Variants in SART3 observed in about 807,000 individuals in gnomAD.
SART3 encodes the protein spliceosome associated factor 3, U4/U6 recycling protein.
A neutral mutation model predicts 122.3 loss-of-function variants in SART3; 44 were observed. The ratio of observed to expected loss-of-function variants is 0.36; its 90% CI spans 0.28 to 0.46. SART3 has a LOEUF of 0.46. Among genes scored for constraint, SART3 ranks in the 20% least tolerant of loss-of-function variants. The probability of loss-of-function intolerance (pLI) is 1.00; values close to 1 mark genes in which losing one functional copy is unlikely to be tolerated. For synonymous variants in SART3, 442 were observed against 454.0 expected (o/e 0.97, Z 0.34); for missense variants, 1,101 against 1,229.0 (o/e 0.90, Z 1.56).
chr12:108,538,812 G>GAAAA, intron 7 of SART3, 122 bp downstream of exon 7: 1 of 1,229,254 alleles, frequency 8.1e-7, no homozygotes, highest in South Asian at 1.3e-5. Flanking sequence ...GCAAAGAGGA[G>GAAAA]AAAAAGCAGA....
At chr12:108,556,982 T>G (rs1349031252) in intron 1 of SART3, among the ~76,000 whole-genome samples, 1 of 152,152 alleles carries the variant, frequency 6.6e-6, no homozygotes, top group Non-Finnish European at 1.5e-5. Context: ...TAAAAGTCGC[T>G]AAAGTCAAGA....
intron 8 of SART3, 29 bp downstream of exon 8, chr12:108,538,036 T>C: frequency 1.2e-6 from 2 of 1,613,952 alleles, no homozygotes; most frequent in South Asian, 2.2e-5. Flanking sequence ...ACAAATAGCT[T>C]AGAAGTTCTC....
rs571872995 is a variant in SART3 at position 108,540,593 on chromosome 12, A to G, written c.907-1504T>C. On this transcript the variant is annotated intron_variant, in intron 6 of 18. Transcript: ENST00000546815. ...CCAATTAAAAAAAAAAAGATTTTAA[A>G]AATATAACTAGAAAAGCTGATTCTA... Among the ~76,000 whole-genome samples, 7 of 152,026 alleles carry G rather than the reference A, an allele frequency of 4.6e-5. No homozygotes were observed. In the South Asian group the frequency reaches 1.5e-3, roughly 32 times the overall value.
intron 13 of SART3, 81 bp downstream of exon 13, chr12:108,532,141 A>G (rs989461131): frequency 8.2e-7 from 1 of 1,219,716 alleles, no homozygotes; most frequent in African/African-American, 1.5e-5. Flanking sequence ...GTCTGTCCCC[A>G]GACTGTAACC....
intron 1 of SART3, among the ~76,000 whole-genome samples, chr12:108,559,686 AAG>A (rs1565870255): frequency 2.4e-5 from 3 of 127,548 alleles, no homozygotes; most frequent in Admixed American, 8.2e-5. Flanking sequence ...AAAAAAAAAA[AAG>A]AGAGAATGTG....
At chr12:108,545,695 C>T (rs1485973682) in intron 3 of SART3, among the ~76,000 whole-genome samples, 2 of 152,094 alleles carry the variant, frequency 1.3e-5, no homozygotes, top group Non-Finnish European at 2.9e-5. Context: ...TGGCCAGGTG[C>T]GGTGGCTCAC....
In SART3 at chr12:108,535,525, C is replaced by T. The variant is rs1489532680; in HGVS notation, c.1447-57G>A. On this transcript the variant is annotated intron_variant, in intron 11 of 18. Transcript: ENST00000546815. ...TGAACCTTATGACGTCGACACCCAT[C>T]ATACAACACACTTCCAACAGACACA... is the stretch of plus-strand genomic sequence containing the variant. 6 of 1,316,880 alleles carry T rather than the reference C, an allele frequency of 4.6e-6. No homozygotes were observed. In the East Asian group the frequency reaches 1.4e-4, roughly 30 times the overall value. The allele number at this position is 1,316,880 out of a possible 1,614,324, so 81.6% of individuals were successfully genotyped here. A position where few individuals can be genotyped will look rare whatever the true frequency, so the allele number is the denominator to read the frequency against.
rs371288059 is a variant in SART3, at chr12:108,530,281, C to T, written c.1776G>A (p.Gln592=). 4 of 1,614,032 alleles carry T rather than the reference C, an allele frequency of 2.5e-6. No homozygotes were observed. Among genetic ancestry groups the T allele is most frequent in the South Asian group, 1.1e-5 (1 of 91,090 alleles). The change falls in exon 15 of 19, where the codon CAG becomes CAA. Residue 592 remains glutamine, a synonymous_variant. Transcript: ENST00000546815. The part of the protein sequence containing the change: ...KAAEKEAALV[Q]QEEEKAEQRK... ...GTTGTTCAGCCTTTTCTTCTTCTTG[C>T]TGCACAAGGGCTGCTTCCTTCTCTG...
intron 3 of SART3, 134 bp downstream of exon 3, chr12:108,547,753 C>T (rs1322831071): frequency 1.4e-6 from 1 of 691,132 alleles, no homozygotes; most frequent in African/African-American, 1.8e-5. Flanking sequence ...GATAAGACAA[C>T]TCAACTTAAA....
chr12:108,561,034 G>T lies in SART3; in HGVS notation c.121C>A (p.Arg41=). 1 of 1,614,162 alleles carries T rather than the reference G, an allele frequency of 6.2e-7. No individual in the cohort carries two copies. The highest frequency in any genetic ancestry group is 8.5e-7 in the Non-Finnish European group (1 of 1,180,016). ...AARTRRKVLS[R]AVAAATYKTM... ...TTGTATGTCGCAGCGGCCACAGCCC[G>T]CGATAACACCTTCCTCCTTGTCCTA... Residue 41 remains arginine, a synonymous_variant, in exon 1 of 19, where the codon CGG becomes AGG. Coordinates refer to ENST00000546815, the MANE Select transcript of SART3 (RefSeq NM_014706.4).
rs1872711074 is a variant in SART3 at position 108,532,256 on chromosome 12, G to C, written c.1635C>G (p.Val545=). Residue 545 remains valine, a synonymous_variant, in exon 13 of 19, where the codon GTC becomes GTG. Transcript: ENST00000546815. ...TCTCCATGGTGAGTAACACTTCGCA[G>C]ACGTGCTCTGGGTAGTCACTGGTGC... ...VQCTSDYPEH[V]CEVLLTMERT... The C allele has an allele frequency of 1.2e-6, 2 of 1,614,090 alleles. No homozygotes were observed. Among genetic ancestry groups the C allele is most frequent in the African/African-American group, 1.3e-5 (1 of 74,946 alleles).
intron 11 of SART3, 52 bp from the exon 12 acceptor site, chr12:108,535,520 C>CCCATCATACAACACACTT (rs1872866486): frequency 7.2e-7 from 1 of 1,386,252 alleles, no homozygotes; most frequent in African/African-American, 1.4e-5. Context: ...GACGTCGACA[C>CCCATCATACAACACACTT]CCATCATACA....
intron 13 of SART3, 133 bp from the exon 14 acceptor site, chr12:108,531,413 A>G: frequency 1.4e-6 from 1 of 709,122 alleles, no homozygotes; most frequent in Admixed American, 2.2e-5. Flanking sequence ...TAATCCCTGT[A>G]GGCTTGAAGT....
intron 1 of SART3, among the ~76,000 whole-genome samples, chr12:108,550,013 CAAAAA>C (rs10572379): frequency 1.1e-4 from 10 of 88,238 alleles, no homozygotes; most frequent in Non-Finnish European, 1.5e-4. Context: ...GACCCAATCT[CAAAAA>C]AAAAAAAAAA....
intron 8 of SART3, 130 bp from the exon 9 acceptor site, chr12:108,537,725 T>C: frequency 1.3e-6 from 1 of 775,110 alleles, no homozygotes; most frequent in South Asian, 1.5e-5. Flanking sequence ...TGAAATGAGC[T>C]AGACAGGAAT....
intron 17 of SART3, 151 bp downstream of exon 17, chr12:108,525,306 A>G: frequency 1.3e-6 from 1 of 760,874 alleles, no homozygotes; most frequent in South Asian, 1.6e-5. Context: ...ATATAAGTAG[A>G]GCTAAGTGCA....
intron 6 of SART3, 106 bp downstream of exon 6, chr12:108,542,922 T>C: frequency 7.0e-7 from 1 of 1,428,318 alleles, no homozygotes; most frequent in Non-Finnish European, 9.8e-7. Context: ...TTATACACTC[T>C]ATATATTTCA....
chr12:108,540,494 C>G (rs1199703560), intron 6 of SART3, among the ~76,000 whole-genome samples: 1 of 151,754 alleles, frequency 6.6e-6, no homozygotes, highest in Non-Finnish European at 1.5e-5. Flanking sequence ...ATATAAGTAG[C>G]AGAAACCTAT....
intron 9 of SART3, 199 bp from the exon 10 acceptor site, chr12:108,536,984 G>A (rs757184285): frequency 3.0e-5 from 18 of 598,334 alleles, no homozygotes; most frequent in African/African-American, 3.7e-5. Context: ...CATGGACAGC[G>A]TGGTGAAAAA....
Sources: gnomAD v4.1 joint callset for allele counts (sites outside exome capture counted in the v4.1 genomes callset) on GRCh38, gnomAD v4.1.1 for gene constraint, MANE v1.5 for transcripts, NCBI Gene and HGNC (gene_info 2026-07-23, HGNC 2026-07-21) for gene names.